CTNNA3: variants seen among roughly 807,000 people sequenced by gnomAD.
The protein encoded by CTNNA3 is catenin alpha 3.
CTNNA3 carries 76 observed loss-of-function variants against 95.7 expected under a neutral mutation model. The ratio of observed to expected loss-of-function variants is 0.79; its 90% CI spans 0.66 to 0.96. The LOEUF (loss-of-function observed/expected upper bound fraction) is 0.96. Ranked by LOEUF, CTNNA3 falls within the 40% of genes least tolerant of loss-of-function variation. CTNNA3 has a pLI of 0.00. For missense variants in CTNNA3, 1,191 were observed against 1,089.8 expected (o/e 1.09, Z -1.31); for synonymous variants, 431 against 374.4 (o/e 1.15, Z -1.74).
chr10:67,004,426 G>A (rs1851858192), intron 7 of CTNNA3, among the ~76,000 whole-genome samples: 1 of 152,222 alleles, frequency 6.6e-6, no homozygotes, highest in Non-Finnish European at 1.5e-5. Context: ...GATGACACAT[G>A]TAAGGACAGC....
intron 15 of CTNNA3, among the ~76,000 whole-genome samples, chr10:66,053,821 C>T (rs2080013633): frequency 1.3e-5 from 2 of 151,994 alleles, no homozygotes. Flanking sequence ...TTATTGTTTA[C>T]TATAGTTTCC....
chr10:67,336,794 G>A (rs1424688068), intron 5 of CTNNA3, among the ~76,000 whole-genome samples: 1 of 152,102 alleles, frequency 6.6e-6, no homozygotes, highest in Non-Finnish European at 1.5e-5. Flanking sequence ...AATCTACTCT[G>A]CCTGTGCTTT....
chr10:67,355,336 C>T (rs908065072), intron 5 of CTNNA3, among the ~76,000 whole-genome samples: 2 of 151,996 alleles, frequency 1.3e-5, no homozygotes, highest in Admixed American at 1.3e-4. Flanking sequence ...CACTCATCTC[C>T]TAGCTTTCAT....
At chr10:67,687,913 C>T (rs1363511945) in intron 1 of CTNNA3, among the ~76,000 whole-genome samples, 1 of 152,122 alleles carries the variant, frequency 6.6e-6, no homozygotes, top group Non-Finnish European at 1.5e-5. Context: ...GAGTCGAGGT[C>T]CCAGTGGGGA....
rs754583859 is a variant in CTNNA3 at position 66,927,215 on chromosome 10, T to C, written c.1048-151691A>G. The stretch of plus-strand genomic sequence containing the variant: ...CTTGACCATAACCATATCAGCAATA[T>C]TGACGAAAATGCTTTTAATGGAATA... On this transcript the variant is annotated intron_variant, in intron 7 of 17. Transcript: ENST00000433211. This position sits in a 1 kb window ranked among gnomAD's most constrained non-coding sequence, Gnocchi z 4.7. The C allele has an allele frequency of 5.0e-6, 8 of 1,614,178 alleles. No homozygotes were observed. Among genetic ancestry groups the C allele is most frequent in the Admixed American group, 1.7e-5 (1 of 60,034 alleles).
intron 5 of CTNNA3, among the ~76,000 whole-genome samples, chr10:67,245,103 C>T (rs1865858408): frequency 1.3e-5 from 2 of 152,234 alleles, no homozygotes; most frequent in East Asian, 1.9e-4. Flanking sequence ...ACTCCCAGTA[C>T]TCTCCTTGCT....
intron 17 of CTNNA3, among the ~76,000 whole-genome samples, chr10:65,931,359 A>G (rs2077249773): frequency 6.6e-6 from 1 of 152,194 alleles, no homozygotes; most frequent in Admixed American, 6.5e-5. Flanking sequence ...AAACATTACA[A>G]TATGTACTAT....
At chr10:66,329,711 T>G (rs373595772) in intron 12 of CTNNA3, among the ~76,000 whole-genome samples, 1 of 152,134 alleles carries the variant, frequency 6.6e-6, no homozygotes, top group Non-Finnish European at 1.5e-5. Flanking sequence ...TTTAATACTT[T>G]TTTTTCTCAC....
At chr10:66,327,017 C>T (rs2092262299) in intron 12 of CTNNA3, among the ~76,000 whole-genome samples, 1 of 152,018 alleles carries the variant, frequency 6.6e-6, no homozygotes, top group Non-Finnish European at 1.5e-5. Context: ...GTTGAAAATA[C>T]AACTGCATGC....
chr10:67,752,067 G>A (rs1330668140), intron 1 of CTNNA3, among the ~76,000 whole-genome samples: 2 of 152,048 alleles, frequency 1.3e-5, no homozygotes, highest in East Asian at 3.9e-4. Flanking sequence ...TGATGCAAAA[G>A]TCCTCAATAA....
At chr10:66,914,596 A>G (rs1846390293) in intron 7 of CTNNA3, among the ~76,000 whole-genome samples, 1 of 152,004 alleles carries the variant, frequency 6.6e-6, no homozygotes, top group African/African-American at 2.4e-5. Flanking sequence ...AAAATGGCAC[A>G]TCCATGAGAG....
intron 7 of CTNNA3, among the ~76,000 whole-genome samples, chr10:66,940,908 G>C (rs1317557903): frequency 1.3e-5 from 2 of 152,106 alleles, no homozygotes; most frequent in Non-Finnish European, 2.9e-5. Flanking sequence ...TCCAATAACA[G>C]TATGCAGCCT....
intron 9 of CTNNA3, among the ~76,000 whole-genome samples, chr10:66,733,288 T>C (rs1336486660): frequency 6.6e-6 from 1 of 152,044 alleles, no homozygotes; most frequent in Non-Finnish European, 1.5e-5. Context: ...GAAAAAAAAG[T>C]TGTAATTATA....
At chr10:66,043,494 A>G (rs1383857197) in intron 15 of CTNNA3, among the ~76,000 whole-genome samples, 1 of 152,188 alleles carries the variant, frequency 6.6e-6, no homozygotes, top group African/African-American at 2.4e-5. Context: ...CTTTTGCTAT[A>G]ACAAATGAGC....
At chr10:67,418,819 T>A (rs1845637300) in intron 5 of CTNNA3, among the ~76,000 whole-genome samples, 1 of 152,152 alleles carries the variant, frequency 6.6e-6, no homozygotes, top group African/African-American at 2.4e-5. Flanking sequence ...ACGTATTGTA[T>A]TTTTGGAAGT....
At chr10:66,238,743 T>C (rs2132032335) in intron 13 of CTNNA3, among the ~76,000 whole-genome samples, 1 of 152,048 alleles carries the variant, frequency 6.6e-6, no homozygotes, top group East Asian at 1.9e-4. Context: ...AATAGTTATC[T>C]CTGGGTGATA....
intron 6 of CTNNA3, among the ~76,000 whole-genome samples, chr10:67,183,705 T>C (rs988631186): frequency 6.6e-6 from 1 of 151,332 alleles, no homozygotes; most frequent in Admixed American, 6.6e-5. Flanking sequence ...AATAAATAAA[T>C]AAAAAATAAA....
At chr10:66,128,894 G>A (rs1446595756) in intron 13 of CTNNA3, among the ~76,000 whole-genome samples, 2 of 151,862 alleles carry the variant, frequency 1.3e-5, no homozygotes, top group Non-Finnish European at 2.9e-5. Flanking sequence ...GTGTGTTGTG[G>A]AGGCTATCTC....
Position 65,913,578 on chromosome 10 carries a change from T to C in CTNNA3, c.*6752A>G, listed in dbSNP as rs2076971785. 1 of 152,128 alleles carries C rather than the reference T, an allele frequency of 6.6e-6. No homozygotes were observed. Among genetic ancestry groups the C allele is most frequent in the Non-Finnish European group, 1.5e-5 (1 of 68,018 alleles). 9.4% of individuals were successfully genotyped at this position (152,128 alleles called of 1,614,324 possible). On this transcript the variant is annotated 3_prime_UTR_variant, in exon 18 of 18. Transcript: ENST00000433211. ...CATATTTATATCCCTATGGACACAA[T>C]GTATACTAACATGTAAAAATACAGC...
Sources: gnomAD v4.1 joint callset for allele counts (sites outside exome capture counted in the v4.1 genomes callset) on GRCh38, gnomAD v4.1.1 for gene constraint, Gnocchi (gnomAD v3.1) non-coding constraint, MANE v1.5 for transcripts, NCBI Gene and HGNC (gene_info 2026-07-23, HGNC 2026-07-21) for gene names.